Variants in ARSL observed in about 807,000 individuals in gnomAD.
ARSL encodes the protein arylsulfatase E (chondrodysplasia punctata 1).
In ARSL, 4 loss-of-function variants were observed where a neutral mutation model predicts 31.1. The ratio of observed to expected loss-of-function variants is 0.13; its 90% CI spans 0.06 to 0.29. The LOEUF (loss-of-function observed/expected upper bound fraction) is 0.29, where lower values mean the gene tolerates loss of function less well. Ranked by LOEUF, ARSL falls within the 10% of genes least tolerant of loss-of-function variation. The pLI is 1.00. For synonymous variants in ARSL, 198 were observed against 209.9 expected, an observed-to-expected ratio of 0.94 and a Z score of 0.49; for missense variants, 312 against 497.8, an observed-to-expected ratio of 0.63 and a Z score of 3.55.
At chrX:2,957,643 A>C (rs2089544359) in intron 3 of ARSL, among the ~76,000 whole-genome samples, 1 of 103,900 alleles carries the variant, frequency 9.6e-6, no homozygotes, top group Non-Finnish European at 1.9e-5. Context: ...GCAGAGGCGG[A>C]GGTTGCAGTG....
At chrX:2,964,345 G>T (rs772242134), upstream of ARSL, 2 of 752,214 alleles carry the variant, frequency 2.7e-6, no homozygotes, top group African/African-American at 4.6e-5. Flanking sequence ...GATTAACTTC[G>T]AGTTTGTTTT....
chrX:2,961,318 G>A (rs185098682), intron 1 of ARSL, among the ~76,000 whole-genome samples: 4 of 111,202 alleles, frequency 3.6e-5, no homozygotes, highest in East Asian at 2.9e-4. Flanking sequence ...CAGGCAGCAA[G>A]AGGTCACCTT....
intron 10 of ARSL, among the ~76,000 whole-genome samples, chrX:2,936,521 G>A (rs1474256200): frequency 9.0e-6 from 1 of 111,369 alleles, no homozygotes; most frequent in African/African-American, 3.3e-5. Flanking sequence ...ATCGTTTTAA[G>A]ACGATTGGCA....
intron 6 of ARSL, 124 bp from the exon 7 acceptor site, chrX:2,946,258 ACCAAAAAGAAACAC>A (rs2089377879): frequency 1.6e-6 from 1 of 619,131 alleles, no homozygotes; most frequent in African/African-American, 2.3e-5. Context: ...AACTCTGCTC[ACCAAAAAGAAACAC>A]TCAAAACTCT....
chrX:2,936,289 C>T (rs755867478), intron 10 of ARSL, among the ~76,000 whole-genome samples: 5 of 109,372 alleles, frequency 4.6e-5, no homozygotes, highest in Non-Finnish European at 9.5e-5. Context: ...CCAGCCTGAG[C>T]GACAAAGACT....
intron 9 of ARSL, among the ~76,000 whole-genome samples, chrX:2,937,186 G>T (rs762182373): frequency 1.1e-3 from 120 of 111,453 alleles, no homozygotes; most frequent in African/African-American, 3.8e-3. Context: ...CTGAGGTCAG[G>T]AATTCGGGAT....
chrX:2,937,763 T>C (rs1163401219), intron 9 of ARSL, among the ~76,000 whole-genome samples: 2 of 111,415 alleles, frequency 1.8e-5, no homozygotes, highest in East Asian at 5.7e-4. Flanking sequence ...TGAAAGGAAG[T>C]TGAATCACTT....
chrX:2,955,297 A>G (rs2089509866), intron 4 of ARSL, 119 bp downstream of exon 4: 3 of 933,541 alleles, frequency 3.2e-6, no homozygotes, highest in Non-Finnish European at 4.4e-6. Context: ...TGGGCAAGAT[A>G]GAGAGAACAC....
chrX:2,966,222 C>T (rs2089698604), upstream of ARSL, among the ~76,000 whole-genome samples: 2 of 111,374 alleles, frequency 1.8e-5, no homozygotes, highest in Admixed American at 9.6e-5. Flanking sequence ...CTCATTTTTA[C>T]AAGTGGACGG....
upstream of ARSL, among the ~76,000 whole-genome samples, chrX:2,967,177 C>T (rs2089706269): frequency 9.0e-6 from 1 of 111,081 alleles, no homozygotes; most frequent in African/African-American, 3.3e-5. Context: ...TTTGTTTTAT[C>T]GGGCTGGTTA....
In ARSL at chrX:2,945,981, C is replaced by T. The variant is rs2089373068; in HGVS notation, c.991+17G>A. 8.3e-7 allele frequency: 1 copy of T among 1,210,554 alleles called. No individual in the cohort carries two copies. ...GCTGGAAGGGAAGCAGCCCATTTTC[C>T]CTGGAAGTGCACTTACCTACCATCC... On this transcript the variant is annotated intron_variant, in intron 7 of 10. Transcript: ENST00000381134.
intron 6 of ARSL, 76 bp downstream of exon 6, chrX:2,949,228 A>G (rs749320087): frequency 1.8e-6 from 2 of 1,137,013 alleles, no homozygotes; most frequent in African/African-American, 3.6e-5. Flanking sequence ...ACCATGCCTG[A>G]CTGAAGAAGA....
upstream of ARSL, among the ~76,000 whole-genome samples, chrX:2,966,554 T>C (rs2089701192): frequency 9.4e-6 from 1 of 106,338 alleles, no homozygotes; most frequent in African/African-American, 3.4e-5. Flanking sequence ...GGTGGGAGGA[T>C]TGCTTGAGCC....
At chrX:2,961,857 G>A (rs1411602872) in intron 1 of ARSL, among the ~76,000 whole-genome samples, 1 of 103,568 alleles carries the variant, frequency 9.7e-6, no homozygotes, top group Non-Finnish European at 2.0e-5. Context: ...GGGATCCCAG[G>A]GTTTTTTTTT....
At chrX:2,944,181 C>T (rs180973070) in intron 7 of ARSL, among the ~76,000 whole-genome samples, 196 of 108,833 alleles carry the variant, frequency 1.8e-3, no homozygotes, top group Non-Finnish European at 3.0e-3. Context: ...GTCGGCCAGG[C>T]GCAGTGGCTC....
intron 2 of ARSL, among the ~76,000 whole-genome samples, chrX:2,960,161 C>G (rs1178227232): frequency 2.5e-5 from 2 of 78,916 alleles, no homozygotes; most frequent in South Asian, 8.1e-4. Flanking sequence ...CCCAGCTACT[C>G]GGGAGGCTGA....
intron 3 of ARSL, 66 bp downstream of exon 3, chrX:2,958,208 C>T (rs2089553112): frequency 8.5e-7 from 1 of 1,182,839 alleles, no homozygotes; most frequent in Admixed American, 2.3e-5. Flanking sequence ...TATGCATTTT[C>T]AGTGGCTTCT....
chrX:2,961,705 G>C (rs1044142968), intron 1 of ARSL, among the ~76,000 whole-genome samples: 5 of 111,040 alleles, frequency 4.5e-5, no homozygotes, highest in Non-Finnish European at 9.4e-5. Flanking sequence ...ATCCTGAAAA[G>C]ATTGACTAAG....
Position 2,960,704 on chromosome X carries a change from T to C in ARSL, c.-20-284A>G, listed in dbSNP as rs111257789. Among the ~76,000 whole-genome samples the C allele has an allele frequency of 0.037, 4,110 of 111,356 alleles. 177 individuals carry two copies. Among genetic ancestry groups the C allele is most frequent in the African/African-American group, 0.13 (3,890 of 30,612 alleles). On this transcript the variant is annotated intron_variant, in intron 1 of 10. Coordinates refer to ENST00000381134, the MANE Select transcript of ARSL (RefSeq NM_000047.3). ...AAGTGGTCATAGGGTCTCCATCCCC[T>C]TTATCAGCTTTCATAGCCCATGAGT...
Sources: allele counts gnomAD v4.1 joint callset (sites outside exome capture counted in the v4.1 genomes callset), GRCh38; gene constraint gnomAD v4.1.1; transcripts MANE v1.5; gene names NCBI Gene and HGNC (gene_info 2026-07-23, HGNC 2026-07-21).